SGMS1: variants seen among roughly 807,000 people sequenced by gnomAD.
SGMS1 encodes the protein sphingomyelin synthase 1.
In SGMS1, 13 loss-of-function variants were observed where a neutral mutation model predicts 46.2. That is an observed-to-expected ratio of 0.28 (90% confidence interval 0.18 to 0.45). The LOEUF (loss-of-function observed/expected upper bound fraction) is 0.45, where lower values mean the gene tolerates loss of function less well. Among genes scored for constraint, SGMS1 ranks in the 20% least tolerant of loss-of-function variants. The probability of loss-of-function intolerance (pLI) is 1.00; values close to 1 mark genes in which losing one functional copy is unlikely to be tolerated. For synonymous variants in SGMS1, 203 were observed against 187.8 expected, an observed-to-expected ratio of 1.08 and a Z score of -0.66; for missense variants, 324 against 519.9, an observed-to-expected ratio of 0.62 and a Z score of 3.66.
At chr10:50,376,011 C>A (rs1848517042) in intron 6 of SGMS1, among the ~76,000 whole-genome samples, 1 of 152,034 alleles carries the variant, frequency 6.6e-6, no homozygotes, top group Non-Finnish European at 1.5e-5. Flanking sequence ...TTTATTTTTA[C>A]TTTTTTACTC....
chr10:50,333,527 T>C (rs1231294645), intron 7 of SGMS1, among the ~76,000 whole-genome samples: 1 of 152,188 alleles, frequency 6.6e-6, no homozygotes, highest in African/African-American at 2.4e-5. Flanking sequence ...GAGTTCTGTA[T>C]CCTTCTCTCT....
At chr10:50,427,316 A>G (rs74916905) in intron 6 of SGMS1, among the ~76,000 whole-genome samples, 7 of 152,278 alleles carry the variant, frequency 4.6e-5, no homozygotes, top group East Asian at 1.9e-4. Flanking sequence ...GGAGAACGGC[A>G]TGAACCCGGT....
intron 2 of SGMS1, among the ~76,000 whole-genome samples, chr10:50,546,368 C>G (rs1327233640): frequency 6.6e-6 from 1 of 152,122 alleles, no homozygotes; most frequent in Non-Finnish European, 1.5e-5. Context: ...CATCCCATTA[C>G]TGGGTATATA....
intron 5 of SGMS1, among the ~76,000 whole-genome samples, chr10:50,440,088 T>C (rs753887847): frequency 7.9e-5 from 12 of 152,194 alleles, no homozygotes; most frequent in Non-Finnish European, 1.8e-4. Context: ...CTATTAGGAA[T>C]GCAGACCACA....
intron 3 of SGMS1, among the ~76,000 whole-genome samples, chr10:50,468,765 A>G (rs947774257): frequency 3.3e-5 from 5 of 152,254 alleles, no homozygotes; most frequent in Non-Finnish European, 7.3e-5. Context: ...TAGTTGAAAA[A>G]GGGCACTTTC....
At chr10:50,378,594 CTTCTA>C (rs1291209617) in intron 6 of SGMS1, among the ~76,000 whole-genome samples, 2 of 152,240 alleles carry the variant, frequency 1.3e-5, no homozygotes, top group African/African-American at 4.8e-5. Flanking sequence ...TAATTTGTAA[CTTCTA>C]TTCAAGTACC....
chr10:50,623,566 C>T (rs927489477), intron 1 of SGMS1, 141 bp downstream of exon 1: 1 of 984,774 alleles, frequency 1.0e-6, no homozygotes. Flanking sequence ...GCGCGCGGCA[C>T]CGCGCGGGCT....
At chr10:50,485,493 T>G (rs1254619911) in intron 3 of SGMS1, among the ~76,000 whole-genome samples, 1 of 152,236 alleles carries the variant, frequency 6.6e-6, no homozygotes, top group East Asian at 1.9e-4. Context: ...ACAGATTCGA[T>G]GCTATTCCTA....
At chr10:50,388,385 G>A (rs1033988758) in intron 6 of SGMS1, among the ~76,000 whole-genome samples, 39 of 150,408 alleles carry the variant, frequency 2.6e-4, no homozygotes, top group Admixed American at 1.3e-3. Context: ...TGTAATCCCA[G>A]CACTTTGGGA....
chr10:50,382,980 A>G (rs1848629399), intron 6 of SGMS1, among the ~76,000 whole-genome samples: 1 of 152,240 alleles, frequency 6.6e-6, no homozygotes, highest in Non-Finnish European at 1.5e-5. Context: ...TAAAGTCTTT[A>G]GAAGGAAGTT....
rs146634656 is a variant in SGMS1, at chr10:50,513,276, G to A, written c.-498+6555C>T. 2.6e-5 allele frequency among the ~76,000 whole-genome samples: 4 copies of A among 152,252 alleles called. No individual in the cohort carries two copies. The East Asian group carries it at 7.7e-4, about 29-fold the overall frequency. On this transcript the variant is annotated intron_variant, in intron 3 of 10. Transcript: ENST00000361781. Reference sequence around the variant, plus strand: ...TGGCAACCGCAAGATGGTTTTCAATGGTCCCTGGGAAAAACAGCGAAGTAG... The same window carrying A: ...TGGCAACCGCAAGATGGTTTTCAATAGTCCCTGGGAAAAACAGCGAAGTAG...
intron 5 of SGMS1, among the ~76,000 whole-genome samples, chr10:50,452,428 C>G (rs186970612): frequency 3.3e-5 from 5 of 151,954 alleles, no homozygotes; most frequent in African/African-American, 1.2e-4. Flanking sequence ...CATACTAAAA[C>G]AAAACAACAA....
At chr10:50,460,884 A>G (rs1185267269) in intron 4 of SGMS1, 70 bp from the exon 5 acceptor site, 1 of 152,284 alleles carries the variant, frequency 6.6e-6, no homozygotes, top group African/African-American at 2.4e-5. Context: ...GCTGAGAGAG[A>G]TTGTGTAAAT....
At chr10:50,600,530 C>T (rs1838639856) in intron 1 of SGMS1, among the ~76,000 whole-genome samples, 1 of 152,164 alleles carries the variant, frequency 6.6e-6, no homozygotes, top group South Asian at 2.1e-4. Context: ...ATATTTTGAA[C>T]ACCCAATCAC....
Position 50,315,504 on chromosome 10 carries a change from A to G in SGMS1, c.742-4089T>C, listed in dbSNP as rs115482198. ...AGAAAAGAACAAAATGAAACAGGAA[A>G]CTCTGGACTGGGTCTTTCATACCTT... is the stretch of plus-strand genomic sequence containing the variant. On this transcript the variant is annotated intron_variant, in intron 8 of 10. Coordinates refer to ENST00000361781, the MANE Select transcript of SGMS1 (RefSeq NM_147156.4). Among the ~76,000 whole-genome samples the G allele has an allele frequency of 2.3e-3, 352 of 152,232 alleles. 2 individuals are homozygous for G. The highest frequency in any genetic ancestry group is 8.1e-3 in the African/African-American group (336 of 41,542).
At chr10:50,495,935 A>G (rs921644798) in intron 3 of SGMS1, among the ~76,000 whole-genome samples, 2 of 152,204 alleles carry the variant, frequency 1.3e-5, no homozygotes, top group African/African-American at 4.8e-5. Flanking sequence ...GCATCCTTCT[A>G]TGTTGTTTAC....
chr10:50,565,420 A>T (rs1427197792), intron 2 of SGMS1, among the ~76,000 whole-genome samples: 1 of 152,176 alleles, frequency 6.6e-6, no homozygotes, highest in Non-Finnish European at 1.5e-5. Context: ...ATCTGCTTGG[A>T]ACAGAAAGTA....
chr10:50,451,189 T>C (rs1393273289), intron 5 of SGMS1, among the ~76,000 whole-genome samples: 1 of 152,180 alleles, frequency 6.6e-6, no homozygotes, highest in Non-Finnish European at 1.5e-5. Context: ...TTAACAATCA[T>C]AATAAATATA....
At chr10:50,309,464 AAT>A (rs1439994004) in intron 9 of SGMS1, among the ~76,000 whole-genome samples, 1 of 152,202 alleles carries the variant, frequency 6.6e-6, no homozygotes, top group African/African-American at 2.4e-5. Flanking sequence ...TCTGCCTCTC[AAT>A]ATGACACATT....
Sources: gnomAD v4.1 joint callset for allele counts (sites outside exome capture counted in the v4.1 genomes callset) on GRCh38, gnomAD v4.1.1 for gene constraint, MANE v1.5 for transcripts, NCBI Gene and HGNC (gene_info 2026-07-23, HGNC 2026-07-21) for gene names.